Variants in CCDC91 observed in about 807,000 individuals in gnomAD.
The protein encoded by CCDC91 is coiled-coil domain-containing protein 91.
CCDC91 carries 48 observed loss-of-function variants against 63.2 expected under a neutral mutation model. The observed-to-expected ratio is 0.76, with a 90% CI of 0.60 to 0.97. CCDC91 has a LOEUF of 0.97. Ranked by LOEUF, CCDC91 falls within the 50% of genes least tolerant of loss-of-function variation. The pLI is 0.00. For synonymous variants in CCDC91, 167 were observed against 165.8 expected, an observed-to-expected ratio of 1.01 and a Z score of -0.06; for missense variants, 500 against 494.6, an observed-to-expected ratio of 1.01 and a Z score of -0.10.
At chr12:28,369,457 G>A (rs1944475874) in intron 7 of CCDC91, among the ~76,000 whole-genome samples, 1 of 152,198 alleles carries the variant, frequency 6.6e-6, no homozygotes, top group Non-Finnish European at 1.5e-5. Context: ...GGCTCTGCGG[G>A]GTGCAGCCCT....
rs188474583 is a variant in CCDC91 at position 28,450,042 on chromosome 12, C to T, written c.763-119C>T. 3 of 574,332 alleles carry T rather than the reference C, an allele frequency of 5.2e-6. No homozygotes were observed. The African/African-American group carries it at 5.7e-5, about 11-fold the overall frequency. 35.6% of individuals were successfully genotyped at this position (574,332 alleles called of 1,614,324 possible). On this transcript the variant is annotated intron_variant, in intron 8 of 12. Transcript: ENST00000536442. The stretch of plus-strand genomic sequence containing the variant: ...TGAACCTTCGTTTTAGGGAAATTCT[C>T]ATTTTTTCCTTTTGTAACTACTTCA...
At chr12:28,365,557 T>G (rs1277528831) in intron 7 of CCDC91, among the ~76,000 whole-genome samples, 1 of 152,244 alleles carries the variant, frequency 6.6e-6, no homozygotes, top group Non-Finnish European at 1.5e-5. Context: ...CTCTAGTTAC[T>G]ATTGTTAACA....
chr12:28,437,997 C>T (rs1309345230), intron 8 of CCDC91, among the ~76,000 whole-genome samples: 5 of 151,906 alleles, frequency 3.3e-5, no homozygotes, highest in African/African-American at 9.7e-5. Context: ...GGACTAAATA[C>T]GTAGTATTTT....
At chr12:28,430,421 CTG>C (rs1368288151) in intron 8 of CCDC91, among the ~76,000 whole-genome samples, 6 of 152,136 alleles carry the variant, frequency 3.9e-5, no homozygotes, top group African/African-American at 1.4e-4. Flanking sequence ...AGTTCACACT[CTG>C]GAATGGAAAT....
chr12:28,456,627 T>C (rs992521185), intron 11 of CCDC91, among the ~76,000 whole-genome samples: 2 of 152,182 alleles, frequency 1.3e-5, no homozygotes, highest in African/African-American at 4.8e-5. Flanking sequence ...AAGTAATACC[T>C]TAATAGAGCT....
intron 11 of CCDC91, among the ~76,000 whole-genome samples, chr12:28,481,278 G>A (rs1159645844): frequency 6.6e-6 from 1 of 151,934 alleles, no homozygotes; most frequent in African/African-American, 2.4e-5. Context: ...TCAACTGGAA[G>A]CCATCTAGTG....
At chr12:28,196,002 G>A (rs1941734545) in intron 1 of CCDC91, among the ~76,000 whole-genome samples, 1 of 152,162 alleles carries the variant, frequency 6.6e-6, no homozygotes, top group Admixed American at 6.5e-5. Context: ...ATACTTGGAA[G>A]GCTGAGGTGG....
At chr12:28,297,907 C>G (rs770036872) in intron 3 of CCDC91, among the ~76,000 whole-genome samples, 8 of 151,740 alleles carry the variant, frequency 5.3e-5, no homozygotes, top group Non-Finnish European at 8.9e-5. Context: ...TGTATACCAT[C>G]GTTACTATAA....
At chr12:28,221,540 A>G (rs1258654484) in intron 1 of CCDC91, among the ~76,000 whole-genome samples, 2 of 152,122 alleles carry the variant, frequency 1.3e-5, no homozygotes, top group Admixed American at 1.3e-4. Context: ...TTGTTATGTC[A>G]CTAGCAATCA....
In CCDC91 at chr12:28,264,585, C is replaced by CTGTGTGTGTGTGTGTGTG. The variant is rs34854850; in HGVS notation, c.109+5161_109+5178dup. On this transcript the variant is annotated intron_variant, in intron 3 of 12. Transcript: ENST00000536442. ...TAGGCACATATATATATATGTCTGT[C>CTGTGTGTGTGTGTGTGTG]TGTGTGTGTGTGTGTGTGTGTGTGT... 3.5e-4 allele frequency among the ~76,000 whole-genome samples: 48 copies of CTGTGTGTGTGTGTGTGTG among 137,314 alleles called. 1 individual carries two copies. The highest frequency in any genetic ancestry group is 1.0e-3 in the African/African-American group (37 of 36,312). The allele number at this position is 137,314 out of a possible 152,430, so 90.1% of individuals were successfully genotyped here. A position where few individuals can be genotyped will look rare whatever the true frequency, so the allele number is the denominator to read the frequency against.
chr12:28,509,579 A>AT (rs776929305), intron 12 of CCDC91, among the ~76,000 whole-genome samples: 2 of 151,892 alleles, frequency 1.3e-5, no homozygotes, highest in South Asian at 4.1e-4. Flanking sequence ...TATTTATATC[A>AT]TTTTTTAAAG....
At chr12:28,447,217 A>G (rs1254159592) in intron 8 of CCDC91, among the ~76,000 whole-genome samples, 4 of 152,164 alleles carry the variant, frequency 2.6e-5, no homozygotes, top group African/African-American at 7.2e-5. Flanking sequence ...ATAAAAGTCT[A>G]TAAAAAGGAG....
chr12:28,431,821 T>C (rs138457634), intron 8 of CCDC91, among the ~76,000 whole-genome samples: 3 of 152,192 alleles, frequency 2.0e-5, no homozygotes, highest in African/African-American at 7.2e-5. Context: ...TGTAATGACA[T>C]ATATCCAATA....
chr12:28,478,306 C>T (rs545618442), intron 11 of CCDC91, among the ~76,000 whole-genome samples: 13 of 152,134 alleles, frequency 8.5e-5, no homozygotes, highest in South Asian at 2.1e-4. Flanking sequence ...GAAATAATGC[C>T]GCATATCTAC....
At chr12:28,420,447 G>A (rs1947934243) in intron 8 of CCDC91, among the ~76,000 whole-genome samples, 1 of 152,058 alleles carries the variant, frequency 6.6e-6, no homozygotes, top group African/African-American at 2.4e-5. Context: ...TACTTTAAAA[G>A]TCTGATAATC....
rs1163236639 is a variant in CCDC91, at chr12:28,529,810, C to T, written c.1216-19253C>T. Among the ~76,000 whole-genome samples the T allele has an allele frequency of 5.3e-5, 8 of 152,216 alleles. No homozygotes were observed. The South Asian group carries it at 1.7e-3, about 32-fold the overall frequency. On this transcript the variant is annotated intron_variant, in intron 12 of 12. Coordinates refer to ENST00000536442, the MANE Select transcript of CCDC91 (RefSeq NM_018318.5). ...TATCTCCATCAATTATTTGCTTAAT[C>T]TTCCATATATGTCTTTTTTTCAAAC...
At chr12:28,306,347 G>T (rs1192960887) in intron 4 of CCDC91, among the ~76,000 whole-genome samples, 1 of 151,992 alleles carries the variant, frequency 6.6e-6, no homozygotes, top group Non-Finnish European at 1.5e-5. Context: ...ATCAATAGAG[G>T]TCATTGATAA....
At chr12:28,414,149 A>C (rs1290656113) in intron 8 of CCDC91, among the ~76,000 whole-genome samples, 3 of 152,198 alleles carry the variant, frequency 2.0e-5, no homozygotes, top group Non-Finnish European at 4.4e-5. Context: ...TAATACATCA[A>C]AACTCGTTTG....
At chr12:28,353,689 A>G (rs1018240394) in intron 6 of CCDC91, among the ~76,000 whole-genome samples, 12 of 152,188 alleles carry the variant, frequency 7.9e-5, no homozygotes, top group African/African-American at 2.4e-4. Context: ...GCCATCTGAT[A>G]TGGGCATGGT....
Sources: allele counts gnomAD v4.1 joint callset (sites outside exome capture counted in the v4.1 genomes callset), GRCh38; gene constraint gnomAD v4.1.1; transcripts MANE v1.5; gene names NCBI Gene and HGNC (gene_info 2026-07-23, HGNC 2026-07-21).